The following PLCXD3 variants were observed in gnomAD, a reference collection of about 807,000 sequenced individuals.
PLCXD3 encodes the protein PI-PLC X domain-containing protein 3.
PLCXD3 carries 19 observed loss-of-function variants against 25.5 expected under a neutral mutation model. That is an observed-to-expected ratio of 0.75 (90% confidence interval 0.52 to 1.09). PLCXD3 has a LOEUF of 1.09. Ranked by LOEUF, PLCXD3 falls within the 50% of genes least tolerant of loss-of-function variation. The pLI is 0.00. For synonymous variants in PLCXD3, 174 were observed against 137.6 expected (o/e 1.26, Z -1.85); for missense variants, 411 against 388.1 (o/e 1.06, Z -0.50).
chr5:41,391,961 C>A (rs778246619), intron 1 of PLCXD3, among the ~76,000 whole-genome samples: 12 of 152,056 alleles, frequency 7.9e-5, no homozygotes, highest in Non-Finnish European at 1.6e-4. Context: ...GGATGAGGTT[C>A]CTCTGCCTTT....
intron 1 of PLCXD3, among the ~76,000 whole-genome samples, chr5:41,463,477 T>G (rs1046950279): frequency 6.6e-6 from 1 of 152,036 alleles, no homozygotes; most frequent in Non-Finnish European, 1.5e-5. Context: ...TACCATCACA[T>G]TGAGTGTTGG....
Position 41,420,208 on chromosome 5 carries a change from A to G in PLCXD3, c.104-37674T>C, listed in dbSNP as rs551798277. On this transcript the variant is annotated intron_variant, in intron 1 of 2. Transcript: ENST00000377801. The stretch of plus-strand genomic sequence containing the variant: ...CTATATCCCACCCACAGAACAAGAA[A>G]GAACTCCTAAATATATATTAACTAG... Among the ~76,000 whole-genome samples, 126 of 152,338 alleles carry G rather than the reference A, an allele frequency of 8.3e-4. 2 individuals are homozygous for G. The highest frequency in any genetic ancestry group is 3.0e-3 in the African/African-American group (124 of 41,574).
intron 1 of PLCXD3, among the ~76,000 whole-genome samples, chr5:41,447,860 C>A (rs1428824222): frequency 6.6e-6 from 1 of 152,212 alleles, no homozygotes; most frequent in African/African-American, 2.4e-5. Flanking sequence ...AAGGCAAAGG[C>A]CATTAACTTG....
At chr5:41,491,869 G>A (rs1393822567) in intron 1 of PLCXD3, among the ~76,000 whole-genome samples, 1 of 152,220 alleles carries the variant, frequency 6.6e-6, no homozygotes, top group East Asian at 1.9e-4. Flanking sequence ...GCACACTGAT[G>A]GGTCTTGACT....
chr5:41,488,197 C>A (rs1280427800), intron 1 of PLCXD3, among the ~76,000 whole-genome samples: 1 of 149,948 alleles, frequency 6.7e-6, no homozygotes, highest in Admixed American at 6.7e-5. Flanking sequence ...TTTGTTCTTG[C>A]GATAGTTTAC....
At chr5:41,359,868 T>A (rs1470009635) in intron 2 of PLCXD3, among the ~76,000 whole-genome samples, 2 of 152,178 alleles carry the variant, frequency 1.3e-5, no homozygotes, top group Non-Finnish European at 2.9e-5. Flanking sequence ...TTCTTGTATT[T>A]GGATTTCTAG....
At chr5:41,479,964 G>C (rs199536787) in intron 1 of PLCXD3, among the ~76,000 whole-genome samples, 1 of 151,998 alleles carries the variant, frequency 6.6e-6, no homozygotes, top group Non-Finnish European at 1.5e-5. Context: ...ATGGAGAAAA[G>C]AATCTAGTAG....
rs373663769 is a variant in PLCXD3 at position 41,348,153 on chromosome 5, G to T, written c.812+33673C>A. Among the ~76,000 whole-genome samples, 6 of 152,236 alleles carry T rather than the reference G, an allele frequency of 3.9e-5. 1 individual carries two copies. The highest frequency in any genetic ancestry group is 1.4e-4 in the African/African-American group (6 of 41,544). On this transcript the variant is annotated intron_variant, in intron 2 of 2. Coordinates refer to ENST00000377801, the MANE Select transcript of PLCXD3 (RefSeq NM_001005473.3). ...GAGGTAGGTTAATAGTATTAGCCCC[G>T]TTTACTAAATGAGTTAGAGGAGTAG...
intron 2 of PLCXD3, among the ~76,000 whole-genome samples, chr5:41,380,955 T>C (rs540572861): frequency 1.3e-5 from 2 of 152,266 alleles, no homozygotes; most frequent in East Asian, 3.9e-4. Context: ...GCTTGACCAA[T>C]GAAGTGACCA....
intron 2 of PLCXD3, among the ~76,000 whole-genome samples, chr5:41,379,125 C>T (rs1252535104): frequency 6.6e-6 from 1 of 152,092 alleles, no homozygotes; most frequent in African/African-American, 2.4e-5. Flanking sequence ...AAAAATGAAG[C>T]TTCTTTCATT....
At chr5:41,338,909 C>A (rs192030347) in intron 2 of PLCXD3, among the ~76,000 whole-genome samples, 1 of 152,202 alleles carries the variant, frequency 6.6e-6, no homozygotes, top group East Asian at 1.9e-4. Flanking sequence ...GCAATGTTCT[C>A]ACTTGGGTGT....
intron 1 of PLCXD3, among the ~76,000 whole-genome samples, chr5:41,385,890 G>T (rs7736904): frequency 0.038 from 5,832 of 152,120 alleles, 380 homozygotes; most frequent in African/African-American, 0.13. Flanking sequence ...CCTGTTAACA[G>T]CCAATGAGTA....
intron 1 of PLCXD3, among the ~76,000 whole-genome samples, chr5:41,451,535 T>C (rs1747631041): frequency 6.6e-6 from 1 of 151,968 alleles, no homozygotes; most frequent in Admixed American, 6.6e-5. Context: ...TGCCTAAATG[T>C]ATATGCAGAG....
chr5:41,392,194 G>T (rs184284520), intron 1 of PLCXD3, among the ~76,000 whole-genome samples: 1 of 152,294 alleles, frequency 6.6e-6, no homozygotes, highest in East Asian at 1.9e-4. Context: ...CAGCCCCAGG[G>T]CATTGAGTGA....
At chr5:41,358,161 T>G (rs189255658) in intron 2 of PLCXD3, among the ~76,000 whole-genome samples, 1 of 152,086 alleles carries the variant, frequency 6.6e-6, no homozygotes, top group Non-Finnish European at 1.5e-5. Flanking sequence ...TTGAGATAGG[T>G]TGAATTTTAT....
At chr5:41,362,312 G>T (rs759063656) in intron 2 of PLCXD3, among the ~76,000 whole-genome samples, 15 of 151,994 alleles carry the variant, frequency 9.9e-5, no homozygotes, top group African/African-American at 1.7e-4. Context: ...ATGTGTAGGG[G>T]GTGAAAAAAA....
intron 2 of PLCXD3, among the ~76,000 whole-genome samples, chr5:41,323,884 C>T (rs1346956391): frequency 6.6e-5 from 10 of 152,090 alleles, no homozygotes; most frequent in Non-Finnish European, 8.8e-5. Flanking sequence ...AAGACAGGAG[C>T]GAAGCCTTTC....
chr5:41,319,158 A>G (rs371202540), intron 2 of PLCXD3, among the ~76,000 whole-genome samples: 1 of 152,184 alleles, frequency 6.6e-6, no homozygotes, highest in African/African-American at 2.4e-5. Flanking sequence ...GCCCTAAAAC[A>G]ATAATAGCCA....
At chr5:41,426,686 T>G (rs1319694959) in intron 1 of PLCXD3, among the ~76,000 whole-genome samples, 1 of 152,158 alleles carries the variant, frequency 6.6e-6, no homozygotes, top group Non-Finnish European at 1.5e-5. Context: ...CCAAATGAAT[T>G]ATCAAGCTTT....
Sources: gnomAD v4.1 joint callset for allele counts (sites outside exome capture counted in the v4.1 genomes callset) on GRCh38, gnomAD v4.1.1 for gene constraint, MANE v1.5 for transcripts, NCBI Gene and HGNC (gene_info 2026-07-23, HGNC 2026-07-21) for gene names.